LIPK: variants seen among roughly 807,000 people sequenced by gnomAD.
The protein encoded by LIPK is lipase family member K.
LIPK carries 32 observed loss-of-function variants against 48.6 expected under a neutral mutation model. The ratio of observed to expected loss-of-function variants is 0.66; its 90% confidence interval spans 0.50 to 0.88. The LOEUF (loss-of-function observed/expected upper bound fraction) is 0.88. Ranked by LOEUF, LIPK falls within the 40% of genes least tolerant of loss-of-function variation. The pLI, the probability that LIPK is intolerant of heterozygous loss-of-function variation, is 0.00. For synonymous variants in LIPK, 164 were observed against 157.4 expected, an observed-to-expected ratio of 1.04 and a Z score of -0.32; for missense variants, 507 against 478.5, an observed-to-expected ratio of 1.06 and a Z score of -0.56.
At chr10:88,751,217 G>T (rs1240605977) in intron 9 of LIPK, among the ~76,000 whole-genome samples, 1 of 152,088 alleles carries the variant, frequency 6.6e-6, no homozygotes, top group South Asian at 2.1e-4. Context: ...AGGGAAATGT[G>T]TATTGTTATT....
chr10:88,744,648 C>A (rs1312832572), intron 9 of LIPK, among the ~76,000 whole-genome samples: 3 of 152,180 alleles, frequency 2.0e-5, no homozygotes, highest in Non-Finnish European at 4.4e-5. Flanking sequence ...AGGACAGCAA[C>A]TTCAAAGATT....
intron 2 of LIPK, among the ~76,000 whole-genome samples, chr10:88,726,201 A>G (rs951742695): frequency 6.6e-6 from 1 of 152,180 alleles, no homozygotes; most frequent in Non-Finnish European, 1.5e-5. Flanking sequence ...AAAGCAAACT[A>G]GGGTGCTTTA....
chr10:88,724,581 T>C lies in LIPK; in HGVS notation c.38T>C (p.Leu13Pro). The C allele has an allele frequency of 6.2e-7, 1 of 1,610,440 alleles. No homozygotes were observed. Among genetic ancestry groups the C allele is most frequent in the South Asian group, 1.1e-5 (1 of 89,936 alleles). Residue 13 changes from leucine to proline, a missense_variant, in exon 2 of 10, where the codon CTT becomes CCT. Coordinates refer to ENST00000404190, the MANE Select transcript of LIPK (RefSeq NM_001080518.2). ...QLLAAACWMLLLGSMYGYDKK... is the reference protein window; with the variant it reads ...QLLAAACWMLPLGSMYGYDKK... Reference sequence around the variant, plus strand: ...TTAGCAGCAGCATGCTGGATGCTTCTTCTTGGATCTATGTATGGTTATGAC... The same window carrying C: ...TTAGCAGCAGCATGCTGGATGCTTCCTCTTGGATCTATGTATGGTTATGAC...
At chr10:88,729,921 CTTCTCTCTT>C (rs545997451) in intron 3 of LIPK, among the ~76,000 whole-genome samples, 406 of 152,326 alleles carry the variant, frequency 2.7e-3, no homozygotes, top group Middle Eastern at 6.8e-3. Flanking sequence ...TCTTCCCTCT[CTTCTCTCTT>C]TTTCCACACT....
At chr10:88,744,964 C>G (rs184999685) in intron 9 of LIPK, among the ~76,000 whole-genome samples, 30 of 152,268 alleles carry the variant, frequency 2.0e-4, no homozygotes, top group Non-Finnish European at 3.7e-4. Flanking sequence ...GGGAAACTCA[C>G]TATAAGAATT....
intron 7 of LIPK, among the ~76,000 whole-genome samples, chr10:88,738,009 C>T (rs555470128): frequency 6.6e-6 from 1 of 152,298 alleles, no homozygotes; most frequent in South Asian, 2.1e-4. Context: ...TTACCCGAAA[C>T]GTCCTTCGCT....
chr10:88,715,471 T>C (rs1038481481), intron 1 of LIPK, among the ~76,000 whole-genome samples: 13 of 152,132 alleles, frequency 8.5e-5, no homozygotes, highest in African/African-American at 3.1e-4. Flanking sequence ...TTTCTTATTC[T>C]TACTGCTTGT....
rs75143208 is a variant in LIPK, at chr10:88,714,341, C to A, written c.-12+8021C>A. ...ATTAATTTCCATATTATTCTAATAA[C>A]CTTGGCTCCAATTTATCCATCAGAA... On this transcript the variant is annotated intron_variant, in intron 1 of 9. Transcript: ENST00000404190. Among the ~76,000 whole-genome samples, 145 of 152,198 alleles carry A rather than the reference C, an allele frequency of 9.5e-4. 2 individuals are homozygous for A. The East Asian group carries it at 0.015, about 16-fold the overall frequency.
At chr10:88,731,969 C>A (rs1590147696) in intron 4 of LIPK, among the ~76,000 whole-genome samples, 1 of 152,198 alleles carries the variant, frequency 6.6e-6, no homozygotes, top group East Asian at 1.9e-4. Flanking sequence ...CTCGACAAAT[C>A]AAATTTTTCT....
chr10:88,723,002 A>G (rs992338157), intron 1 of LIPK, among the ~76,000 whole-genome samples: 2 of 146,438 alleles, frequency 1.4e-5, no homozygotes, highest in African/African-American at 5.1e-5. Context: ...CTCTCACCTC[A>G]GCCCCATGAG....
At chr10:88,745,332 A>C (rs1842748227) in intron 9 of LIPK, among the ~76,000 whole-genome samples, 1 of 152,154 alleles carries the variant, frequency 6.6e-6, no homozygotes, top group African/African-American at 2.4e-5. Context: ...CATAGTCATC[A>C]GATTCTCCAA....
At chr10:88,733,508 A>G (rs1842509495) in intron 6 of LIPK, among the ~76,000 whole-genome samples, 1 of 152,242 alleles carries the variant, frequency 6.6e-6, no homozygotes, top group Non-Finnish European at 1.5e-5. Flanking sequence ...TGAAGTTCAT[A>G]TCTATACATC....
chr10:88,738,081 T>C (rs927923380), intron 7 of LIPK, among the ~76,000 whole-genome samples: 3 of 152,224 alleles, frequency 2.0e-5, no homozygotes, highest in African/African-American at 7.2e-5. Context: ...TCAGACCCAC[T>C]GAAGTAGAAT....
intron 6 of LIPK, among the ~76,000 whole-genome samples, chr10:88,734,668 C>T (rs1842535422): frequency 6.6e-6 from 1 of 152,032 alleles, no homozygotes; most frequent in South Asian, 2.1e-4. Flanking sequence ...TTATTGTTAA[C>T]ACATCAGTTG....
chr10:88,726,466 G>A (rs995470556), intron 2 of LIPK, among the ~76,000 whole-genome samples: 14 of 152,216 alleles, frequency 9.2e-5, no homozygotes, highest in African/African-American at 4.8e-5. Context: ...GCAGGGGAAC[G>A]AATGCCTTGA....
intron 1 of LIPK, among the ~76,000 whole-genome samples, chr10:88,717,969 T>C (rs1017796653): frequency 1.3e-5 from 2 of 151,916 alleles, no homozygotes; most frequent in African/African-American, 4.8e-5. Context: ...TTTCTGTCTC[T>C]CTCTTGGGGC....
chr10:88,715,550 T>C (rs1172870825), intron 1 of LIPK, among the ~76,000 whole-genome samples: 1 of 152,108 alleles, frequency 6.6e-6, no homozygotes, highest in Non-Finnish European at 1.5e-5. Flanking sequence ...TTGTTGAAAG[T>C]ACATAGTTGG....
In LIPK at chr10:88,737,773, T is replaced by C; in HGVS notation, c.808T>C (p.Leu270=). ...TCTGAGTGGATTTGATCCGCAAAACTTAAATATGGTAGGTGTAAGTAATTG... is the reference window on the plus strand; with the variant it reads ...TCTGAGTGGATTTGATCCGCAAAACCTAAATATGGTAGGTGTAAGTAATTG... ...FTLSGFDPQN[L]NMSRLDVYLS... Residue 270 remains leucine (L), a synonymous_variant, in exon 7 of 10, where the codon TTA becomes CTA. Coordinates refer to ENST00000404190, the MANE Select transcript of LIPK (RefSeq NM_001080518.2). The C allele has an allele frequency of 1.9e-6, 3 of 1,613,756 alleles. No homozygotes were observed. The East Asian group carries it at 6.7e-5, about 36-fold the overall frequency.
intron 1 of LIPK, among the ~76,000 whole-genome samples, chr10:88,708,972 T>C (rs557620476): frequency 6.6e-6 from 1 of 152,292 alleles, no homozygotes; most frequent in Admixed American, 6.5e-5. Flanking sequence ...GTGATTTTAA[T>C]TTTTCTTTGT....
Sources: gnomAD v4.1 joint callset for allele counts (sites outside exome capture counted in the v4.1 genomes callset) on GRCh38, gnomAD v4.1.1 for gene constraint, MANE v1.5 for transcripts, NCBI Gene and HGNC (gene_info 2026-07-23, HGNC 2026-07-21) for gene names.